The following CCDC68 variants were observed in gnomAD, a reference collection of about 807,000 sequenced individuals.
The protein encoded by CCDC68 is coiled-coil domain-containing protein 68.
In CCDC68, 45 loss-of-function variants were observed where a neutral mutation model predicts 47.1. That is an observed-to-expected ratio of 0.96 (90% confidence interval 0.75 to 1.23). The LOEUF is 1.23. Ranked by LOEUF, CCDC68 falls within the 50% of genes most tolerant of loss-of-function variation. The pLI, the probability that CCDC68 is intolerant of heterozygous loss-of-function variation, is 0.00. For synonymous variants in CCDC68, 131 were observed against 129.5 expected, an observed-to-expected ratio of 1.01 and a Z score of -0.08; for missense variants, 353 against 373.6, an observed-to-expected ratio of 0.94 and a Z score of 0.45.
chr18:54,905,664 A>G (rs959917420), intron 11 of CCDC68, among the ~76,000 whole-genome samples: 1 of 152,134 alleles, frequency 6.6e-6, no homozygotes, highest in Non-Finnish European at 1.5e-5. Flanking sequence ...TCAAGCAACC[A>G]ATGGGCCATA....
chr18:54,924,310 C>T (rs899789860), intron 8 of CCDC68, among the ~76,000 whole-genome samples: 2 of 151,874 alleles, frequency 1.3e-5, no homozygotes, highest in African/African-American at 2.4e-5. Context: ...CACAAGAAGA[C>T]TCTGAACAGC....
rs748194585 is a variant in CCDC68, at chr18:54,919,267, T to C, written c.789+4A>G. On this transcript the variant is annotated splice_donor_region_variant and intron_variant, in intron 9 of 11. Coordinates refer to ENST00000591504, the MANE Select transcript of CCDC68 (RefSeq NM_025214.3). ...ACCAGATAAATACACTTGATTAATC[T>C]GACCTCCTGGATGACACTGCGCAGG... is the stretch of plus-strand genomic sequence containing the variant. 7.5e-6 allele frequency: 12 copies of C among 1,608,330 alleles called. No homozygotes were observed. In the South Asian group the frequency reaches 1.1e-4, roughly 15 times the overall value.
At chr18:54,948,430 C>A (rs2044561022) in intron 1 of CCDC68, among the ~76,000 whole-genome samples, 1 of 152,168 alleles carries the variant, frequency 6.6e-6, no homozygotes, top group African/African-American at 2.4e-5. Flanking sequence ...GAGGAACCAG[C>A]CCTGCAGACA....
At chr18:54,916,841 T>G (rs563738276) in intron 10 of CCDC68, among the ~76,000 whole-genome samples, 4 of 152,240 alleles carry the variant, frequency 2.6e-5, no homozygotes, top group Admixed American at 2.6e-4. Flanking sequence ...GTGGAGTTAA[T>G]TGAATCATGG....
At chr18:54,906,562 T>C (rs886544235) in intron 11 of CCDC68, among the ~76,000 whole-genome samples, 4 of 152,142 alleles carry the variant, frequency 2.6e-5, no homozygotes, top group African/African-American at 4.8e-5. Flanking sequence ...CAGCTGGGAC[T>C]GGCCATAGTG....
intron 11 of CCDC68, among the ~76,000 whole-genome samples, chr18:54,906,189 T>C (rs1458619549): frequency 2.6e-5 from 4 of 151,850 alleles, no homozygotes; most frequent in Non-Finnish European, 5.9e-5. Flanking sequence ...TGGACCCTGG[T>C]TCCAAAAAGG....
intron 10 of CCDC68, among the ~76,000 whole-genome samples, chr18:54,913,489 T>C (rs1024516756): frequency 2.0e-5 from 3 of 152,176 alleles, no homozygotes; most frequent in Admixed American, 6.5e-5. Context: ...AGCTATTCAC[T>C]AGGAATAGGA....
At chr18:54,927,936 G>A (rs961011342) in intron 8 of CCDC68, among the ~76,000 whole-genome samples, 1 of 152,132 alleles carries the variant, frequency 6.6e-6, no homozygotes, top group Non-Finnish European at 1.5e-5. Flanking sequence ...GGGGGAAATC[G>A]AAAGACTGAG....
chr18:54,947,381 G>A (rs955560455), intron 1 of CCDC68, among the ~76,000 whole-genome samples: 5 of 152,138 alleles, frequency 3.3e-5, no homozygotes, highest in Non-Finnish European at 7.4e-5. Context: ...AACCACCCCA[G>A]CTCTGCTTTA....
At position 54,910,648 on chromosome 18, in the gene CCDC68, C is replaced by T. The variant is rs1482875745; in HGVS notation, c.874-2786G>A. On this transcript the variant is annotated intron_variant, in intron 10 of 11. Coordinates refer to ENST00000591504, the MANE Select transcript of CCDC68 (RefSeq NM_025214.3). Reference sequence around the variant, plus strand: ...TCTGCTGTGGTTCATAGCACCCAGGCTGTTTGTGCCAAGGGGCACCTTCAG... The same window carrying T: ...TCTGCTGTGGTTCATAGCACCCAGGTTGTTTGTGCCAAGGGGCACCTTCAG... Among the ~76,000 whole-genome samples, 5 of 152,370 alleles carry T rather than the reference C, an allele frequency of 3.3e-5. No individual in the cohort carries two copies. In the East Asian group the frequency reaches 7.7e-4, roughly 24 times the overall value.
intron 10 of CCDC68, among the ~76,000 whole-genome samples, chr18:54,911,696 G>A (rs900108120): frequency 6.6e-6 from 1 of 152,126 alleles, no homozygotes; most frequent in African/African-American, 2.4e-5. Flanking sequence ...ACTTGACAAA[G>A]CAATTTGAAA....
At chr18:54,936,350 A>G (rs1200748670) in intron 6 of CCDC68, among the ~76,000 whole-genome samples, 1 of 149,346 alleles carries the variant, frequency 6.7e-6, no homozygotes, top group Non-Finnish European at 1.5e-5. Context: ...ATATATAGAT[A>G]CATATTTTGT....
At chr18:54,939,534 G>A (rs1186486305) in intron 4 of CCDC68, among the ~76,000 whole-genome samples, 3 of 152,020 alleles carry the variant, frequency 2.0e-5, no homozygotes, top group African/African-American at 7.2e-5. Flanking sequence ...AGATCACTAT[G>A]GTGAAATCTC....
At chr18:54,911,649 C>G (rs1300592671) in intron 10 of CCDC68, among the ~76,000 whole-genome samples, 1 of 152,094 alleles carries the variant, frequency 6.6e-6, no homozygotes, top group African/African-American at 2.4e-5. Flanking sequence ...AGGCCAAGCA[C>G]GTGCCTAGAA....
At chr18:54,951,911 T>C (rs577535622) in intron 1 of CCDC68, among the ~76,000 whole-genome samples, 1 of 152,338 alleles carries the variant, frequency 6.6e-6, no homozygotes, top group South Asian at 2.1e-4. Context: ...TAAGCCTCAG[T>C]TCCTCAACAG....
chr18:54,905,135 C>G (rs1451061258), intron 11 of CCDC68, among the ~76,000 whole-genome samples: 1 of 151,680 alleles, frequency 6.6e-6, no homozygotes, highest in Non-Finnish European at 1.5e-5. Context: ...GTGCCTGTAG[C>G]CCTAGCTACT....
chr18:54,913,894 T>C (rs1599030423), intron 10 of CCDC68, among the ~76,000 whole-genome samples: 1 of 152,198 alleles, frequency 6.6e-6, no homozygotes, highest in Admixed American at 6.5e-5. Context: ...TATTTAGGTA[T>C]TTGGATACCT....
At chr18:54,935,462 G>C (rs1034297416) in intron 6 of CCDC68, among the ~76,000 whole-genome samples, 1 of 152,144 alleles carries the variant, frequency 6.6e-6, no homozygotes, top group Non-Finnish European at 1.5e-5. Context: ...GGACTGTGTC[G>C]ACTAACTTGT....
chr18:54,941,201 T>C (rs1448534573), intron 3 of CCDC68, 118 bp from the exon 4 acceptor site: 1 of 636,844 alleles, frequency 1.6e-6, no homozygotes, highest in African/African-American at 1.9e-5. Context: ...ATACATATAT[T>C]GATCTCAGAT....
Sources: gnomAD v4.1 joint callset for allele counts (sites outside exome capture counted in the v4.1 genomes callset) on GRCh38, gnomAD v4.1.1 for gene constraint, MANE v1.5 for transcripts, NCBI Gene and HGNC (gene_info 2026-07-23, HGNC 2026-07-21) for gene names.